The following NAA11 variants were observed in gnomAD, a reference collection of about 807,000 sequenced individuals.
NAA11 encodes the protein N-alpha-acetyltransferase 11.
Under a neutral mutation model 16.1 loss-of-function variants are expected in NAA11, and 15 were observed. The observed-to-expected ratio is 0.93, with a 90% CI of 0.62 to 1.44. The LOEUF (loss-of-function observed/expected upper bound fraction) is 1.44. NAA11 is among the 40% of genes most tolerant of loss of function. NAA11 has a pLI of 0.00. For synonymous variants in NAA11, 122 were observed against 112.4 expected, an observed-to-expected ratio of 1.09 and a Z score of -0.54; for missense variants, 298 against 291.3, an observed-to-expected ratio of 1.02 and a Z score of -0.17.
the NAA11 span, among the ~76,000 whole-genome samples, chr4:79,160,697 C>T: frequency 2.7e-4 from 41 of 152,002 alleles, no homozygotes; most frequent in African/African-American, 8.2e-4. Flanking sequence ...ATTTTAAAAT[C>T]GAATTTTTAA....
the NAA11 span, among the ~76,000 whole-genome samples, chr4:79,163,002 CTT>C: frequency 6.6e-6 from 1 of 152,178 alleles, no homozygotes; most frequent in African/African-American, 2.4e-5. Flanking sequence ...GGGAAACAAA[CTT>C]CAGAGAAATT....
intron 2 of NAA11, among the ~76,000 whole-genome samples, chr4:79,228,540 A>T (rs1458823066): frequency 1.3e-5 from 2 of 151,554 alleles, no homozygotes; most frequent in Non-Finnish European, 2.9e-5. Flanking sequence ...CTTTTCCAAA[A>T]ATGGAACATA....
At chr4:79,241,470 G>T (rs185472367) in intron 2 of NAA11, among the ~76,000 whole-genome samples, 416 of 152,232 alleles carry the variant, frequency 2.7e-3, no homozygotes, top group Non-Finnish European at 4.7e-3. Context: ...TTGTTCAAAG[G>T]TCAACTGTAC....
chr4:79,282,271 A>C (rs6848123), intron 2 of NAA11, among the ~76,000 whole-genome samples: 68,532 of 151,896 alleles, frequency 0.45, 16,009 homozygotes, highest in Middle Eastern at 0.57. Flanking sequence ...AAGGTGCTGG[A>C]TGACAGGCTT....
At chr4:79,180,523 C>A in the NAA11 span, among the ~76,000 whole-genome samples, 2 of 152,256 alleles carry the variant, frequency 1.3e-5, no homozygotes. Flanking sequence ...ATCAAAACCA[C>A]AATGAGATAT....
At chr4:79,305,804 G>A (rs1390646390) in intron 1 of NAA11, among the ~76,000 whole-genome samples, 1 of 151,974 alleles carries the variant, frequency 6.6e-6, no homozygotes, top group African/African-American at 2.4e-5. Flanking sequence ...ACTCTCAAAT[G>A]GTATAACATA....
chr4:79,215,696 G>A, the NAA11 span, among the ~76,000 whole-genome samples: 1 of 152,208 alleles, frequency 6.6e-6, no homozygotes, highest in African/African-American at 2.4e-5. Context: ...TCAGTAACCA[G>A]TAAACAGCAA....
chr4:79,201,909 A>G, the NAA11 span, among the ~76,000 whole-genome samples: 4 of 151,784 alleles, frequency 2.6e-5, no homozygotes, highest in East Asian at 1.9e-4. Flanking sequence ...TTTAAGTTTT[A>G]TTTTATTTAT....
At chr4:79,179,403 CT>C in the NAA11 span, among the ~76,000 whole-genome samples, 1 of 152,088 alleles carries the variant, frequency 6.6e-6, no homozygotes, top group East Asian at 1.9e-4. Flanking sequence ...AGAAGATATA[CT>C]TTGAAGTGTA....
the NAA11 span, among the ~76,000 whole-genome samples, chr4:79,186,332 T>G: frequency 6.6e-6 from 1 of 152,322 alleles, no homozygotes; most frequent in East Asian, 1.9e-4. Flanking sequence ...AGAAATACTT[T>G]GGAATGATTC....
the NAA11 span, among the ~76,000 whole-genome samples, chr4:79,212,170 C>T: frequency 6.6e-6 from 1 of 152,128 alleles, no homozygotes; most frequent in Admixed American, 6.6e-5. Context: ...CCATTTTAAA[C>T]AGGTTATTCT....
chr4:79,200,012 C>T, the NAA11 span, among the ~76,000 whole-genome samples: 6 of 151,778 alleles, frequency 4.0e-5, no homozygotes, highest in Non-Finnish European at 8.8e-5. Flanking sequence ...AGCAAATACA[C>T]ATTTTATTGC....
rs768813512 is a variant in NAA11 at position 79,325,623 on chromosome 4, G to A, written c.255C>T (p.Gly85=). 3.7e-6 allele frequency: 6 copies of A among 1,613,922 alleles called. No individual in the cohort carries two copies. In the South Asian group the frequency reaches 4.4e-5, roughly 12 times the overall value. ...CCTGGTCCATCAGCTTCTGGGCCAGGCCGAGGCGCCGGTGTGAACGCTTCA... is the reference window on the plus strand; with the variant it reads ...CCTGGTCCATCAGCTTCTGGGCCAGACCGAGGCGCCGGTGTGAACGCTTCA... ...LAVKRSHRRL[G]LAQKLMDQAS... is the part of the protein sequence containing the mutation. Residue 85 remains glycine (G), a synonymous_variant, in exon 1 of 2, where the codon GGC becomes GGT. Transcript: ENST00000286794.
chr4:79,215,744 G>T, the NAA11 span, among the ~76,000 whole-genome samples: 2 of 152,166 alleles, frequency 1.3e-5, no homozygotes, highest in Non-Finnish European at 2.9e-5. Context: ...GCATGACTTG[G>T]ACTTGAATAC....
rs1722230521 is a variant in NAA11 at position 79,260,752 on chromosome 4, CA to C, written c.*122+33252del. On this transcript the variant is annotated intron_variant and NMD_transcript_variant, in intron 2 of 2. Transcript: ENST00000511542. ...ACTCTTTCTTTGACTTTGAGGGAGTCATTTATAGTCCTCCAAATGAAGAAAC... is the reference window on the plus strand; with the variant it reads ...ACTCTTTCTTTGACTTTGAGGGAGTCTTTATAGTCCTCCAAATGAAGAAAC... 7.2e-5 allele frequency among the ~76,000 whole-genome samples: 11 copies of C among 152,296 alleles called. No homozygotes were observed. In the South Asian group the frequency reaches 2.3e-3, roughly 32 times the overall value.
At chr4:79,189,958 T>C in the NAA11 span, among the ~76,000 whole-genome samples, 2 of 152,288 alleles carry the variant, frequency 1.3e-5, no homozygotes, top group East Asian at 3.9e-4. Flanking sequence ...TGTGGAAGGC[T>C]TGCAGAGAAC....
At position 79,252,124 on chromosome 4, in the gene NAA11, G is replaced by T. The variant is rs1468914588; in HGVS notation, c.*123-25854C>A. 2.6e-5 allele frequency among the ~76,000 whole-genome samples: 4 copies of T among 152,188 alleles called. No homozygotes were observed. The East Asian group carries it at 7.7e-4, about 29-fold the overall frequency. Reference sequence around the variant, plus strand: ...TGCATGTTCTCACTTATAACTGGAAGCTAAACAATGGGTTGCATGAACTGA... The same window carrying T: ...TGCATGTTCTCACTTATAACTGGAATCTAAACAATGGGTTGCATGAACTGA... On this transcript the variant is annotated intron_variant and NMD_transcript_variant, in intron 2 of 2. Coordinates refer to the NAA11 transcript ENST00000511542.
intron 2 of NAA11, among the ~76,000 whole-genome samples, chr4:79,232,213 T>C (rs562833458): frequency 6.6e-6 from 1 of 152,052 alleles, no homozygotes; most frequent in African/African-American, 2.4e-5. Flanking sequence ...ACTAAGTACA[T>C]GGTATAAATA....
the NAA11 span, among the ~76,000 whole-genome samples, chr4:79,172,494 AT>A: frequency 1.3e-5 from 2 of 152,024 alleles, no homozygotes; most frequent in Admixed American, 1.3e-4. Context: ...TATTTTCTGG[AT>A]TTTTTTCCCT....
Sources: gnomAD v4.1 joint callset for allele counts (sites outside exome capture counted in the v4.1 genomes callset) on GRCh38, gnomAD v4.1.1 for gene constraint, MANE v1.5 for transcripts, NCBI Gene and HGNC (gene_info 2026-07-23, HGNC 2026-07-21) for gene names.